The following TRMU variants were observed in gnomAD, a reference collection of about 807,000 sequenced individuals.
The protein encoded by TRMU is tRNA mitochondrial 2-thiouridylase, also known as mitochondrial tRNA-specific 2-thiouridylase 1.
TRMU carries 49 observed loss-of-function variants against 46.9 expected under a neutral mutation model. The ratio of observed to expected loss-of-function variants is 1.05; its 90% CI spans 0.83 to 1.33. The LOEUF (loss-of-function observed/expected upper bound fraction) is 1.33, where lower values mean the gene tolerates loss of function less well. TRMU is among the 40% of genes most tolerant of loss of function. The probability of loss-of-function intolerance (pLI) is 0.00; values close to 1 mark genes in which losing one functional copy is unlikely to be tolerated. For synonymous variants in TRMU, 241 were observed against 200.9 expected, an observed-to-expected ratio of 1.20 and a Z score of -1.69; for missense variants, 572 against 532.4, an observed-to-expected ratio of 1.07 and a Z score of -0.73.
Position 46,357,065 on chromosome 22 carries a change from G to A in TRMU, c.*59G>A. The A allele has an allele frequency of 2.5e-6, 4 of 1,605,612 alleles. No homozygotes were observed. Among genetic ancestry groups the A allele is most frequent in the Non-Finnish European group, 1.7e-6 (2 of 1,175,780 alleles). On this transcript the variant is annotated 3_prime_UTR_variant, in exon 11 of 11. Transcript: ENST00000645190. ...CAGGACCCATGGCTGGGCGGCTGGT[G>A]AGCAGTCCAGGTGCCCAAGGGCCAG...
At chr22:46,354,185 T>C (rs1660773879) in intron 8 of TRMU, 3 of 358,346 alleles carry the variant, frequency 8.4e-6, no homozygotes, top group Non-Finnish European at 1.1e-5. Flanking sequence ...GGAGAGGGCA[T>C]GGCCTCAGTG....
intron 10 of TRMU, 176 bp downstream of exon 10, chr22:46,356,248 C>T: frequency 1.5e-6 from 1 of 652,806 alleles, no homozygotes; most frequent in South Asian, 1.8e-5. Flanking sequence ...ACAGTGACAA[C>T]TGTGAGAGGA....
intron 3 of TRMU, among the ~76,000 whole-genome samples, chr22:46,346,073 CCTT>C (rs1330390576): frequency 1.1e-4 from 16 of 152,148 alleles, no homozygotes; most frequent in Admixed American, 1.0e-3. Context: ...GCCTGGCCTC[CCTT>C]CGTATTATCA....
At position 46,337,869 on chromosome 22, in the gene TRMU, A is replaced by G. The variant is rs142721051; in HGVS notation, c.173A>G (p.Tyr58Cys). The G allele has an allele frequency of 3.8e-5, 62 of 1,614,148 alleles. No individual in the cohort carries two copies. Among genetic ancestry groups the G allele is most frequent in the Non-Finnish European group, 5.1e-5 (60 of 1,180,060 alleles). The change falls in exon 2 of 11, where the codon TAC (tyrosine) becomes TGC (cysteine). Residue 58 changes from tyrosine to cysteine, a missense_variant. Physicochemically the swap from Tyr to Cys is radical, Grantham distance 194. Coordinates refer to ENST00000645190, the MANE Select transcript of TRMU (RefSeq NM_018006.5). Reference protein sequence around the residue: ...CTADKDCEDAYRVCQILDIPF... With the variant: ...CTADKDCEDACRVCQILDIPF... ...GCCGACAAAGACTGTGAAGATGCTT[A>G]CAGAGTTTGCCAGATCTTAGACATC...
intron 3 of TRMU, among the ~76,000 whole-genome samples, chr22:46,346,186 A>G (rs554662412): frequency 4.3e-4 from 65 of 151,302 alleles, no homozygotes; most frequent in Middle Eastern, 3.4e-3. Context: ...TAAAGGTGCA[A>G]TAACACTTTA....
In TRMU at chr22:46,351,401, T is replaced by C. The variant is rs549652883; in HGVS notation, c.652-720T>C. On this transcript the variant is annotated intron_variant, in intron 5 of 10. Coordinates refer to ENST00000645190, the MANE Select transcript of TRMU (RefSeq NM_018006.5). This position sits in a 1 kb window ranked among gnomAD's most constrained non-coding sequence, Gnocchi z 6.4. ...CCTTGGGGATGGAGGGCGAGGGCGC[T>C]GTGGGATGAGCCTCACCTCTTCAGG... 7.0e-4 allele frequency among the ~76,000 whole-genome samples: 106 copies of C among 152,224 alleles called. No individual in the cohort carries two copies. Among genetic ancestry groups the C allele is most frequent in the African/African-American group, 2.4e-3 (101 of 41,528 alleles).
chr22:46,356,152 G>C, intron 10 of TRMU, 80 bp downstream of exon 10: 1 of 1,530,190 alleles, frequency 6.5e-7, no homozygotes, highest in Non-Finnish European at 9.0e-7. Context: ...ACAGAGGAAG[G>C]GGCTGAGGCC....
At chr22:46,355,680 G>T in intron 9 of TRMU, 92 bp downstream of exon 9, 1 of 1,595,558 alleles carries the variant, frequency 6.3e-7, no homozygotes, top group Non-Finnish European at 8.6e-7. Context: ...CCTGGGGTAG[G>T]AAAGTCCCGT....
chr22:46,352,202 A>T (rs778327515), intron 6 of TRMU, 28 bp downstream of exon 6: 28 of 1,613,768 alleles, frequency 1.7e-5, no homozygotes, highest in Non-Finnish European at 2.4e-5. Flanking sequence ...ACACAAAGAG[A>T]TGGGGCTGCG....
At position 46,357,130 on chromosome 22, in the gene TRMU, G is replaced by C. The variant is rs116303153; in HGVS notation, c.*124G>C. On this transcript the variant is annotated 3_prime_UTR_variant, in exon 11 of 11. Transcript: ENST00000645190. ...AAGCAGAGGAAGCCGGGCTGGCTGAGGGTCCGAAAAGCCTGCAGGGGCCCG... is the reference window on the plus strand; with the variant it reads ...AAGCAGAGGAAGCCGGGCTGGCTGACGGTCCGAAAAGCCTGCAGGGGCCCG... 3,632 of 1,426,880 alleles carry C rather than the reference G, an allele frequency of 2.5e-3. 77 individuals are homozygous for C. In the African/African-American group the frequency reaches 0.045, roughly 18 times the overall value. The allele number at this position is 1,426,880 out of a possible 1,614,324, so 88.4% of individuals were successfully genotyped here.
chr22:46,352,103 G>C lies in TRMU; in HGVS notation c.652-18G>C, dbSNP rs372850511. The C allele has an allele frequency of 8.4e-5, 136 of 1,612,248 alleles. No individual in the cohort carries two copies. In the Middle Eastern group the frequency reaches 3.0e-3, roughly 35 times the overall value. ...CGCCACTTCTGCTCCTCTCACGGCT[G>C]CCGTCTTCTCATTTCAGAGCATGGG... On this transcript the variant is annotated intron_variant, in intron 5 of 10. Coordinates refer to ENST00000645190, the MANE Select transcript of TRMU (RefSeq NM_018006.5).
chr22:46,346,331 C>T, intron 3 of TRMU, 91 bp from the exon 4 acceptor site: 1 of 1,515,516 alleles, frequency 6.6e-7, no homozygotes, highest in Middle Eastern at 2.1e-4. Flanking sequence ...GACTTGGGGT[C>T]TATACTCTTC....
At position 46,356,277 on chromosome 22, in the gene TRMU, C is replaced by T. The variant is rs2078605486; in HGVS notation, c.1101+205C>T. 13 of 599,584 alleles carry T rather than the reference C, an allele frequency of 2.2e-5. No individual in the cohort carries two copies. The East Asian group carries it at 3.7e-4, about 17-fold the overall frequency. 37.1% of individuals were successfully genotyped at this position (599,584 alleles called of 1,614,324 possible). On this transcript the variant is annotated intron_variant, in intron 10 of 10. Coordinates refer to ENST00000645190, the MANE Select transcript of TRMU (RefSeq NM_018006.5). ...GAGAGGATTTCCACTCTGGTGTCAC[C>T]AACCAGCCAGTTCCTGCTCGGGCCC...
At position 46,351,231 on chromosome 22, in the gene TRMU, G is replaced by A. The variant is rs562515521; in HGVS notation, c.651+768G>A. Among the ~76,000 whole-genome samples, 1 of 152,358 alleles carries A rather than the reference G, an allele frequency of 6.6e-6. No homozygotes were observed. The highest frequency in any genetic ancestry group is 2.4e-5 in the African/African-American group (1 of 41,586). On this transcript the variant is annotated intron_variant, in intron 5 of 10. Transcript: ENST00000645190. The surrounding 1 kb of genome is among the most constrained non-coding windows in gnomAD (Gnocchi z 6.4). ...CGAGGAGAAGCCAGGGAGCCGCTGT[G>A]GGGGTGCCTGCCTGTGGCCCCAGCT... is the stretch of plus-strand genomic sequence containing the variant.
At position 46,351,799 on chromosome 22, in the gene TRMU, G is replaced by T; in HGVS notation, c.652-322G>T. On this transcript the variant is annotated intron_variant, in intron 5 of 10. Coordinates refer to ENST00000645190, the MANE Select transcript of TRMU (RefSeq NM_018006.5). The surrounding 1 kb of genome is among the most constrained non-coding windows in gnomAD (Gnocchi z 6.4). ...GCTACCTGCCCCTTCTCTGGTCCCT[G>T]TCTCTCCCCCACTCCTCGCAGGACA... is the stretch of plus-strand genomic sequence containing the variant. The T allele has an allele frequency of 2.2e-6, 1 of 448,438 alleles. No homozygotes were observed. Among genetic ancestry groups the T allele is most frequent in the Non-Finnish European group, 4.1e-6 (1 of 241,376 alleles). The allele number at this position is 448,438 out of a possible 1,614,324, so 27.8% of individuals were successfully genotyped here.
intron 3 of TRMU, 72 bp from the exon 4 acceptor site, chr22:46,346,350 C>A (rs1235281551): frequency 6.4e-7 from 1 of 1,564,260 alleles, no homozygotes; most frequent in Admixed American, 1.8e-5. Context: ...TCTTTTGTGC[C>A]TTGGTTTATG....
At position 46,353,076 on chromosome 22, in the gene TRMU, C is replaced by T. The variant is rs926319128; in HGVS notation, c.773-691C>T. On this transcript the variant is annotated intron_variant, in intron 7 of 10. Transcript: ENST00000645190. The stretch of plus-strand genomic sequence containing the variant: ...CCTCTTGTGGAGGGGAGACGGCAGG[C>T]GGAGCCGGGGCTAGGCATTCCTGAG... 3.7e-5 allele frequency: 6 copies of T among 160,882 alleles called. No homozygotes were observed. In the South Asian group the frequency reaches 5.2e-4, roughly 14 times the overall value. The allele number at this position is 160,882 out of a possible 1,614,324, so 10.0% of individuals were successfully genotyped here. A position where few individuals can be genotyped will look rare whatever the true frequency, so the allele number is the denominator to read the frequency against.
intron 8 of TRMU, chr22:46,354,321 A>G (rs532128784): frequency 9.9e-6 from 2 of 201,666 alleles, no homozygotes; most frequent in East Asian, 2.5e-4. Flanking sequence ...CCTGGCCTCA[A>G]AGCAGGGCCG....
In TRMU at chr22:46,354,180, G is replaced by C. The variant is rs554971485; in HGVS notation, c.873+313G>C. The stretch of plus-strand genomic sequence containing the variant: ...GCTTGGGTGGCTCATCCGGTGGAGA[G>C]GGCATGGCCTCAGTGCCAAGGATGG... On this transcript the variant is annotated intron_variant, in intron 8 of 10. Coordinates refer to ENST00000645190, the MANE Select transcript of TRMU (RefSeq NM_018006.5). The C allele has an allele frequency of 1.4e-5, 5 of 361,168 alleles. No individual in the cohort carries two copies. In the East Asian group the frequency reaches 3.4e-4, roughly 24 times the overall value. The allele number at this position is 361,168 out of a possible 1,614,324, so 22.4% of individuals were successfully genotyped here.
Sources: allele counts gnomAD v4.1 joint callset (sites outside exome capture counted in the v4.1 genomes callset), GRCh38; gene constraint gnomAD v4.1.1; non-coding constraint Gnocchi (gnomAD v3.1); transcripts MANE v1.5; gene names NCBI Gene and HGNC (gene_info 2026-07-23, HGNC 2026-07-21).